The following CERS6 variants were observed in gnomAD, a reference collection of about 807,000 sequenced individuals.
The protein encoded by CERS6 is LAG1 homolog, ceramide synthase 6.
In CERS6, 26 loss-of-function variants were observed where a neutral mutation model predicts 56.8. The ratio of observed to expected loss-of-function variants is 0.46; its 90% confidence interval spans 0.34 to 0.63. The LOEUF is 0.63. Ranked by LOEUF, CERS6 falls within the 30% of genes least tolerant of loss-of-function variation. The pLI is 0.01. For synonymous variants in CERS6, 164 were observed against 173.3 expected (o/e 0.95, Z 0.42); for missense variants, 415 against 467.5 (o/e 0.89, Z 1.04).
intron 4 of CERS6, among the ~76,000 whole-genome samples, chr2:168,668,407 C>CT (rs1685820936): frequency 6.7e-6 from 1 of 150,146 alleles, no homozygotes; most frequent in South Asian, 2.1e-4. Flanking sequence ...GTGAATGGAG[C>CT]TTTAGTTCAT....
chr2:168,743,995 C>CTTTTTTTTTTTTTTTTT (rs58256507), intron 8 of CERS6, among the ~76,000 whole-genome samples: 28 of 63,400 alleles, frequency 4.4e-4, no homozygotes, highest in African/African-American at 8.9e-4. Context: ...TCTTTTTTTT[C>CTTTTTTTTTTTTTTTTT]TTTTTTTTTT....
Position 168,489,910 on chromosome 2 carries a change from T to G in CERS6, c.170+33292T>G, listed in dbSNP as rs188271140. Among the ~76,000 whole-genome samples the G allele has an allele frequency of 8.6e-4, 131 of 152,300 alleles. 3 individuals are homozygous for G. Among genetic ancestry groups the G allele is most frequent in the Admixed American group, 8.5e-3 (130 of 15,290 alleles). On this transcript the variant is annotated intron_variant, in intron 1 of 9. Transcript: ENST00000305747. Reference sequence around the variant, plus strand: ...TGATGTTGGATTGTATCCTGGACATTGTGTATGTTATGTGGTATAGATTCT... The same window carrying G: ...TGATGTTGGATTGTATCCTGGACATGGTGTATGTTATGTGGTATAGATTCT...
chr2:168,752,086 T>C (rs1684287170), intron 8 of CERS6, among the ~76,000 whole-genome samples: 1 of 152,082 alleles, frequency 6.6e-6, no homozygotes, highest in Non-Finnish European at 1.5e-5. Flanking sequence ...CCAGATATCT[T>C]CATTTTAGAT....
At chr2:168,602,835 C>G (rs1683967261) in intron 3 of CERS6, among the ~76,000 whole-genome samples, 1 of 152,182 alleles carries the variant, frequency 6.6e-6, no homozygotes, top group Non-Finnish European at 1.5e-5. Flanking sequence ...GCCTCTCAGT[C>G]CTGAACAGGT....
chr2:168,517,259 A>G (rs1464333798), intron 1 of CERS6, among the ~76,000 whole-genome samples: 1 of 151,836 alleles, frequency 6.6e-6, no homozygotes, highest in Non-Finnish European at 1.5e-5. Flanking sequence ...TGGGAGGCAG[A>G]GTTGGGTGGA....
intron 3 of CERS6, among the ~76,000 whole-genome samples, chr2:168,570,957 C>T (rs768153599): frequency 3.3e-5 from 5 of 152,106 alleles, no homozygotes; most frequent in African/African-American, 7.2e-5. Context: ...ATTGATTCTG[C>T]GCATTGGTAA....
At chr2:168,589,503 A>G (rs1683623641) in intron 3 of CERS6, among the ~76,000 whole-genome samples, 1 of 152,216 alleles carries the variant, frequency 6.6e-6, no homozygotes, top group Non-Finnish European at 1.5e-5. Context: ...AGTTCAAACA[A>G]TAAAGAAATG....
rs186675017 is a variant in CERS6, at chr2:168,742,813, T to C, written c.846-22779T>C. Among the ~76,000 whole-genome samples the C allele has an allele frequency of 7.2e-4, 110 of 152,272 alleles. No individual in the cohort carries two copies. The East Asian group carries it at 0.018, about 24-fold the overall frequency. Reference sequence around the variant, plus strand: ...GATTAGGGACTGTGTTGTGGGTCTTTGTATAAGGTGTTTGGGTTTTTATTC... The same window carrying C: ...GATTAGGGACTGTGTTGTGGGTCTTCGTATAAGGTGTTTGGGTTTTTATTC... On this transcript the variant is annotated intron_variant, in intron 8 of 9. Coordinates refer to ENST00000305747, the MANE Select transcript of CERS6 (RefSeq NM_203463.3).
chr2:168,493,002 T>C (rs1694401319), intron 1 of CERS6, among the ~76,000 whole-genome samples: 1 of 152,140 alleles, frequency 6.6e-6, no homozygotes, highest in East Asian at 1.9e-4. Context: ...GATCCATTAG[T>C]ACTATTACTT....
chr2:168,549,266 G>A (rs1276331786), intron 2 of CERS6, among the ~76,000 whole-genome samples: 1 of 151,886 alleles, frequency 6.6e-6, no homozygotes, highest in Non-Finnish European at 1.5e-5. Context: ...CTTGCCTTAT[G>A]TTTTTTACAG....
At chr2:168,737,941 T>C (rs1009807340) in intron 8 of CERS6, among the ~76,000 whole-genome samples, 1 of 152,200 alleles carries the variant, frequency 6.6e-6, no homozygotes, top group Admixed American at 6.5e-5. Flanking sequence ...TTTTTAAGAG[T>C]TTGAAATATG....
chr2:168,521,380 C>T (rs775904735), intron 1 of CERS6, among the ~76,000 whole-genome samples: 12 of 152,064 alleles, frequency 7.9e-5, no homozygotes, highest in Admixed American at 2.6e-4. Context: ...AGAGAGATAA[C>T]GCCTACCCTG....
intron 6 of CERS6, among the ~76,000 whole-genome samples, chr2:168,697,310 A>G (rs368072043): frequency 1.3e-5 from 2 of 151,804 alleles, no homozygotes; most frequent in Non-Finnish European, 2.9e-5. Flanking sequence ...TGCACCCAAC[A>G]CTCCGAGTTG....
At chr2:168,476,514 G>C (rs764597224) in intron 1 of CERS6, among the ~76,000 whole-genome samples, 1 of 152,146 alleles carries the variant, frequency 6.6e-6, no homozygotes, top group Non-Finnish European at 1.5e-5. Flanking sequence ...AGATAGATTA[G>C]ATAGGAGATT....
intron 1 of CERS6, among the ~76,000 whole-genome samples, chr2:168,511,836 A>G (rs2105350825): frequency 6.6e-6 from 1 of 152,264 alleles, no homozygotes; most frequent in South Asian, 2.1e-4. Context: ...CACCACCATA[A>G]TTAAGATAAA....
chr2:168,656,949 C>T (rs1685490613), intron 4 of CERS6, among the ~76,000 whole-genome samples: 1 of 152,172 alleles, frequency 6.6e-6, no homozygotes, highest in African/African-American at 2.4e-5. Flanking sequence ...TTCTCCAAGG[C>T]CTCACCAGAG....
intron 3 of CERS6, among the ~76,000 whole-genome samples, chr2:168,593,766 A>G (rs941466463): frequency 1.3e-5 from 2 of 152,226 alleles, no homozygotes; most frequent in Non-Finnish European, 2.9e-5. Flanking sequence ...AGAACCTAAT[A>G]AAATATTTTT....
intron 1 of CERS6, among the ~76,000 whole-genome samples, chr2:168,461,488 T>A (rs1383241515): frequency 6.7e-6 from 1 of 149,682 alleles, no homozygotes; most frequent in African/African-American, 2.5e-5. Flanking sequence ...AAAAGTGGTC[T>A]GCAGACATAA....
At chr2:168,665,565 C>T (rs1241577763) in intron 4 of CERS6, among the ~76,000 whole-genome samples, 1 of 152,286 alleles carries the variant, frequency 6.6e-6, no homozygotes, top group African/African-American at 2.4e-5. Context: ...TAATCTCCCC[C>T]TTAACCTTCT....
Sources: gnomAD v4.1 joint callset for allele counts (sites outside exome capture counted in the v4.1 genomes callset) on GRCh38, gnomAD v4.1.1 for gene constraint, MANE v1.5 for transcripts, NCBI Gene and HGNC (gene_info 2026-07-23, HGNC 2026-07-21) for gene names.